RIF1: variants seen among roughly 807,000 people sequenced by gnomAD.
The protein encoded by RIF1 is telomere-associated protein RIF1.
A neutral mutation model predicts 247.1 loss-of-function variants in RIF1; 45 were observed. The observed-to-expected ratio is 0.18, with a 90% CI of 0.14 to 0.23. The LOEUF (loss-of-function observed/expected upper bound fraction) is 0.23, where lower values mean the gene tolerates loss of function less well. Ranked by LOEUF, RIF1 falls within the 10% of genes least tolerant of loss-of-function variation. The pLI, the probability that RIF1 is intolerant of heterozygous loss-of-function variation, is 1.00. For synonymous variants in RIF1, 1,087 were observed against 978.8 expected (o/e 1.11, Z -2.06); for missense variants, 2,967 against 2,862.5 (o/e 1.04, Z -0.83).
At chr2:151,430,939 C>T (rs1690015980) in intron 9 of RIF1, among the ~76,000 whole-genome samples, 1 of 152,172 alleles carries the variant, frequency 6.6e-6, no homozygotes, top group Non-Finnish European at 1.5e-5. Context: ...CAGGTGTGAG[C>T]CACTGTGCTC....
At chr2:151,524,491 G>C in the RIF1 span, 1 of 1,613,278 alleles carries the variant, frequency 6.2e-7, no homozygotes, top group Non-Finnish European at 8.5e-7. Flanking sequence ...TTGGGGACTG[G>C]GGACATTTTC....
chr2:151,443,503 T>C, intron 17 of RIF1, 26 bp from the exon 18 acceptor site: 1 of 1,528,446 alleles, frequency 6.5e-7, no homozygotes, highest in Non-Finnish European at 8.8e-7. Flanking sequence ...AAAAAGTTGA[T>C]GCATTTTTTA....
intron 8 of RIF1, among the ~76,000 whole-genome samples, chr2:151,428,207 C>T (rs907462077): frequency 7.9e-5 from 12 of 152,174 alleles, no homozygotes; most frequent in African/African-American, 1.9e-4. Context: ...GTAGCCTGGG[C>T]GACAGAGCGA....
rs1370793864 is a variant in RIF1, at chr2:151,480,897, A to G, written c.*5826A>G. The G allele has an allele frequency of 6.6e-6, 1 of 152,200 alleles. No individual in the cohort carries two copies. Among genetic ancestry groups the G allele is most frequent in the Non-Finnish European group, 1.5e-5 (1 of 68,044 alleles). 9.4% of individuals were successfully genotyped at this position (152,200 alleles called of 1,614,324 possible). On this transcript the variant is annotated 3_prime_UTR_variant, in exon 36 of 36. Transcript: ENST00000444746. ...ACAGAGCACAGATTGGTAAACTAGC[A>G]TGCCACCTGTTTTTTGTACTATCTG...
At chr2:151,519,562 T>C in the RIF1 span, 14 of 881,442 alleles carry the variant, frequency 1.6e-5, no homozygotes, top group African/African-American at 1.8e-4. Flanking sequence ...TTGGATAATA[T>C]TGTGAGTGTT....
At chr2:151,512,862 G>A (rs1161441677), downstream of RIF1, 11 of 1,519,608 alleles carry the variant, frequency 7.2e-6, no homozygotes, top group Non-Finnish European at 1.0e-5. Flanking sequence ...CGAATAGTTG[G>A]GTAAATGTTT....
intron 9 of RIF1, among the ~76,000 whole-genome samples, chr2:151,487,429 AATAG>A (rs2051703873): frequency 1.3e-5 from 2 of 152,220 alleles, no homozygotes; most frequent in Non-Finnish European, 2.9e-5. Flanking sequence ...CAAATTCACA[AATAG>A]ATTTCCTTTC....
intron 11 of RIF1, among the ~76,000 whole-genome samples, chr2:151,436,305 T>A (rs1573979215): frequency 6.6e-6 from 1 of 152,002 alleles, no homozygotes; most frequent in East Asian, 1.9e-4. Context: ...TTTAGGGGGC[T>A]GAGGTGGGAG....
At chr2:151,493,981 C>A (rs927000704) in intron 9 of RIF1, 10 of 901,862 alleles carry the variant, frequency 1.1e-5, no homozygotes, top group Middle Eastern at 2.2e-4. Flanking sequence ...GTGAGAACAC[C>A]TCTCAAGAAG....
chr2:151,485,676 C>G (rs1371221586), downstream of RIF1: 11 of 1,324,884 alleles, frequency 8.3e-6, no homozygotes, highest in Admixed American at 2.3e-5. Context: ...AGCTTGAGAA[C>G]TTAGGTAACA....
chr2:151,424,410 T>G (rs557002445), intron 8 of RIF1, among the ~76,000 whole-genome samples: 1 of 152,140 alleles, frequency 6.6e-6, no homozygotes, highest in Non-Finnish European at 1.5e-5. Flanking sequence ...AAGCATAAAG[T>G]TTTTAAGATT....
At chr2:151,485,741 G>A (rs779805343), downstream of RIF1, 3 of 1,594,622 alleles carry the variant, frequency 1.9e-6, no homozygotes, top group Admixed American at 1.7e-5. Flanking sequence ...CTGCAGACAA[G>A]TGTGATGCTT....
intron 1 of RIF1, 184 bp downstream of exon 1, chr2:151,410,217 T>A (rs2290367): frequency 0.43 from 272,203 of 629,206 alleles, 59,160 homozygotes; most frequent in South Asian, 0.47. Context: ...GAATGTGGCG[T>A]GGGCTCAGGT....
chr2:151,526,281 G>A, the RIF1 span: 2 of 1,543,084 alleles, frequency 1.3e-6, no homozygotes, highest in Non-Finnish European at 1.8e-6. Context: ...GCAGGAAAAG[G>A]GGCATTTCTT....
chr2:151,445,304 A>T (rs371725624), intron 18 of RIF1, 34 bp from the exon 19 acceptor site: 2 of 1,178,168 alleles, frequency 1.7e-6, no homozygotes, highest in African/African-American at 3.0e-5. Context: ...ATAAGATGGT[A>T]ATTTGTCTAA....
the RIF1 span, chr2:151,516,364 C>T: frequency 7.7e-6 from 6 of 778,970 alleles, no homozygotes; most frequent in South Asian, 8.0e-5. Context: ...TCAGCTACCA[C>T]TTTTGGATGA....
intron 18 of RIF1, among the ~76,000 whole-genome samples, chr2:151,445,034 G>A (rs1348162388): frequency 6.6e-6 from 1 of 152,132 alleles, no homozygotes; most frequent in Admixed American, 6.5e-5. Context: ...TGCATCACTT[G>A]ACTATGCCTC....
At chr2:151,410,791 C>G (rs758315824) in intron 2 of RIF1, among the ~76,000 whole-genome samples, 2 of 152,072 alleles carry the variant, frequency 1.3e-5, no homozygotes, top group African/African-American at 4.8e-5. Flanking sequence ...TTAAAAGTTT[C>G]GGTTGGAAGT....
chr2:151,464,081 A>G lies in RIF1; in HGVS notation c.4561A>G (p.Ile1521Val). ...IKSEGDGTQD[I>V]VDKSSEKLVR... ...GTCTGAGGGGGATGGTACCCAGGACATTGTAGATAAGTCCTCTGAGAAACT... is the reference window on the plus strand; with the variant it reads ...GTCTGAGGGGGATGGTACCCAGGACGTTGTAGATAAGTCCTCTGAGAAACT... Residue 1521 changes from isoleucine to valine, a missense_variant, in exon 30 of 36, where the codon ATT (isoleucine) becomes GTT (valine). Coordinates refer to ENST00000444746, the MANE Select transcript of RIF1 (RefSeq NM_018151.5). The G allele has an allele frequency of 6.2e-7, 1 of 1,612,976 alleles. No individual in the cohort carries two copies. Among genetic ancestry groups the G allele is most frequent in the South Asian group, 1.1e-5 (1 of 90,844 alleles).
Sources: allele counts gnomAD v4.1 joint callset (sites outside exome capture counted in the v4.1 genomes callset), GRCh38; gene constraint gnomAD v4.1.1; transcripts MANE v1.5; gene names NCBI Gene and HGNC (gene_info 2026-07-23, HGNC 2026-07-21).